The following ATF7 variants were observed in gnomAD, a reference collection of about 807,000 sequenced individuals.
ATF7 encodes activating transcription factor 7.
ATF7 carries 10 observed loss-of-function variants against 50.4 expected under a neutral mutation model. The ratio of observed to expected loss-of-function variants is 0.20; its 90% CI spans 0.12 to 0.34. The LOEUF (loss-of-function observed/expected upper bound fraction) is 0.34, where lower values mean the gene tolerates loss of function less well. ATF7 is among the 10% of genes least tolerant of loss of function. The pLI is 1.00. For synonymous variants in ATF7, 201 were observed against 226.4 expected (o/e 0.89, Z 1.01); for missense variants, 465 against 613.9 (o/e 0.76, Z 2.56).
intron 8 of ATF7, 28 bp from the exon 9 acceptor site, chr12:53,531,924 T>G: frequency 6.2e-7 from 1 of 1,611,240 alleles, no homozygotes; most frequent in Non-Finnish European, 8.5e-7. Context: ...AAAAAATGCT[T>G]GTTAAGGATC....
intron 11 of ATF7, 184 bp downstream of exon 11, chr12:53,523,092 T>C (rs1313833568): frequency 1.9e-6 from 1 of 537,894 alleles, no homozygotes; most frequent in African/African-American, 1.9e-5. Context: ...AACAGATAAT[T>C]AGCTCTATAT....
intron 4 of ATF7, among the ~76,000 whole-genome samples, chr12:53,542,116 T>TTTTTTTTG (rs1317455348): frequency 6.8e-6 from 1 of 146,870 alleles, no homozygotes; most frequent in African/African-American, 2.5e-5. Context: ...TGTTTTTTTT[T>TTTTTTTTG]TTTTTTTTTT....
At chr12:53,530,297 T>G (rs1401576493) in intron 9 of ATF7, among the ~76,000 whole-genome samples, 1 of 152,160 alleles carries the variant, frequency 6.6e-6, no homozygotes, top group Non-Finnish European at 1.5e-5. Context: ...CAATAACTGA[T>G]GAAGCAGGTG....
intron 2 of ATF7, among the ~76,000 whole-genome samples, chr12:53,594,871 G>A (rs1025151421): frequency 6.8e-6 from 1 of 147,258 alleles, no homozygotes; most frequent in Non-Finnish European, 1.5e-5. Context: ...TTGGGTGACA[G>A]AGCGAGACCC....
intron 2 of ATF7, among the ~76,000 whole-genome samples, chr12:53,560,557 T>C (rs778259226): frequency 6.6e-6 from 1 of 152,226 alleles, no homozygotes; most frequent in Non-Finnish European, 1.5e-5. Flanking sequence ...CTCTGCAATA[T>C]GCACTCAACT....
At chr12:53,520,165 GTTCT>G (rs2137320960) in intron 11 of ATF7, among the ~76,000 whole-genome samples, 1 of 152,248 alleles carries the variant, frequency 6.6e-6, no homozygotes, top group East Asian at 1.9e-4. Flanking sequence ...TCTCTTGTGG[GTTCT>G]TTCTCATTTC....
downstream of ATF7, chr12:53,508,284 G>A (rs532505235): frequency 6.7e-5 from 10 of 149,068 alleles, no homozygotes; most frequent in East Asian, 1.8e-3. Flanking sequence ...TTTTTTGGCC[G>A]GGTGCAGTGC....
At chr12:53,608,404 C>T (rs1014385145) in intron 1 of ATF7, among the ~76,000 whole-genome samples, 2 of 152,138 alleles carry the variant, frequency 1.3e-5, no homozygotes, top group African/African-American at 4.8e-5. Flanking sequence ...AAGTTATAAA[C>T]CGTTTCATAT....
At chr12:53,609,446 G>A (rs898689988) in intron 1 of ATF7, among the ~76,000 whole-genome samples, 1 of 145,736 alleles carries the variant, frequency 6.9e-6, no homozygotes, top group African/African-American at 2.6e-5. Context: ...GAGCCACTCC[G>A]CCTGGCCACG....
At chr12:53,576,259 A>G (rs765962981) in intron 2 of ATF7, among the ~76,000 whole-genome samples, 2 of 151,990 alleles carry the variant, frequency 1.3e-5, no homozygotes, top group Non-Finnish European at 2.9e-5. Context: ...AGCCTCACCA[A>G]CCTCCTTAGA....
intron 2 of ATF7, among the ~76,000 whole-genome samples, chr12:53,556,914 A>G (rs1416521569): frequency 6.6e-6 from 1 of 152,210 alleles, no homozygotes; most frequent in Non-Finnish European, 1.5e-5. Flanking sequence ...TAAAATAGCT[A>G]AAATTATTAT....
At chr12:53,567,504 A>G (rs1471336539) in intron 2 of ATF7, among the ~76,000 whole-genome samples, 1 of 152,188 alleles carries the variant, frequency 6.6e-6, no homozygotes, top group Non-Finnish European at 1.5e-5. Flanking sequence ...GCTTTTTATC[A>G]AACTCCAGGG....
chr12:53,595,317 A>C (rs1412462149), intron 2 of ATF7, among the ~76,000 whole-genome samples: 1 of 152,186 alleles, frequency 6.6e-6, no homozygotes, highest in Admixed American at 6.5e-5. Flanking sequence ...TCTCCAATTC[A>C]AGATGCTTCC....
At chr12:53,535,881 C>T (rs972540012) in intron 5 of ATF7, among the ~76,000 whole-genome samples, 5 of 151,934 alleles carry the variant, frequency 3.3e-5, no homozygotes, top group African/African-American at 1.2e-4. Flanking sequence ...AGGCTGGGTG[C>T]GGTGCTCACG....
At chr12:53,616,788 C>T (rs1442451053) in intron 1 of ATF7, among the ~76,000 whole-genome samples, 2 of 151,290 alleles carry the variant, frequency 1.3e-5, no homozygotes, top group Non-Finnish European at 2.9e-5. Flanking sequence ...ACTAAGATAC[C>T]TAAAAAATTA....
At chr12:53,533,406 G>A (rs2137384726) in intron 6 of ATF7, 147 bp from the exon 7 acceptor site, 1 of 621,882 alleles carries the variant, frequency 1.6e-6, no homozygotes, top group Non-Finnish European at 2.8e-6. Context: ...TCATGAAGGT[G>A]AGAAGGCAGG....
downstream of ATF7, among the ~76,000 whole-genome samples, chr12:53,511,452 G>C (rs752743819): frequency 2.6e-5 from 4 of 152,132 alleles, no homozygotes; most frequent in Non-Finnish European, 4.4e-5. Context: ...GTTTCTCCAT[G>C]TTGGCCAGGC....
chr12:53,567,348 A>T (rs1240451775), intron 2 of ATF7, among the ~76,000 whole-genome samples: 1 of 152,212 alleles, frequency 6.6e-6, no homozygotes, highest in Non-Finnish European at 1.5e-5. Context: ...TAGGAAGAAC[A>T]AGATGGTAAG....
intron 2 of ATF7, among the ~76,000 whole-genome samples, chr12:53,560,470 G>A (rs1356793259): frequency 6.6e-6 from 1 of 152,144 alleles, no homozygotes. Flanking sequence ...CTCTGAGCCA[G>A]GCACAAGCAT....
Sources: gnomAD v4.1 joint callset for allele counts (sites outside exome capture counted in the v4.1 genomes callset) on GRCh38, gnomAD v4.1.1 for gene constraint, MANE v1.5 for transcripts, NCBI Gene and HGNC (gene_info 2026-07-23, HGNC 2026-07-21) for gene names.